The following VARS1 variants were observed in gnomAD, a reference collection of about 807,000 sequenced individuals.
The protein encoded by VARS1 is valyl-tRNA synthetase 1, also known as valine--tRNA ligase.
A neutral mutation model predicts 161.0 loss-of-function variants in VARS1; 92 were observed. The ratio of observed to expected loss-of-function variants is 0.57; its 90% CI spans 0.48 to 0.68. VARS1 has a LOEUF of 0.68. Among genes scored for constraint, VARS1 ranks in the 30% least tolerant of loss-of-function variants. VARS1 has a pLI of 0.00. For missense variants in VARS1, 1,338 were observed against 1,695.9 expected, an observed-to-expected ratio of 0.79 and a Z score of 3.71; for synonymous variants, 595 against 682.5, an observed-to-expected ratio of 0.87 and a Z score of 2.00.
At position 31,783,173 on chromosome 6, in the gene VARS1, T is replaced by C; in HGVS notation, c.1685A>G (p.Lys562Arg). The stretch of plus-strand genomic sequence containing the variant: ...AGACAGGAATGGGTGGATCACGTTC[T>C]TCCCCTTCAGGTGCTGGGGGCGGAA... Reference protein sequence around the residue: ...KDTRYQHLKGKNVIHPFLSRS... With the variant: ...KDTRYQHLKGRNVIHPFLSRS... The change falls in exon 14 of 30, where the codon AAG (lysine) becomes AGG (arginine). Residue 562 changes from lysine (K) to arginine (R), a missense_variant. By Grantham distance (26) the Lys-to-Arg change is conservative. This residue lies in a region of VARS1 where 902 missense variants were observed against 1,090.3 expected (regional missense o/e 0.83). Coordinates refer to ENST00000375663, the MANE Select transcript of VARS1 (RefSeq NM_006295.3). The C allele has an allele frequency of 6.2e-7, 1 of 1,612,632 alleles. No individual in the cohort carries two copies. The highest frequency in any genetic ancestry group is 1.7e-5 in the Admixed American group (1 of 59,962).
In VARS1 at chr6:31,791,830, C is replaced by G; in HGVS notation, c.972+41G>C. On this transcript the variant is annotated intron_variant, in intron 7 of 29. Transcript: ENST00000375663. The surrounding 1 kb of genome is among the most constrained non-coding windows in gnomAD (Gnocchi z 5.0). ...CACATCCTTCAGTCCTGCCCTTCCCCACCCCACCCACTCTGGGCCTGGGCA... is the reference window on the plus strand; with the variant it reads ...CACATCCTTCAGTCCTGCCCTTCCCGACCCCACCCACTCTGGGCCTGGGCA... The G allele has an allele frequency of 1.2e-6, 2 of 1,611,526 alleles. No individual in the cohort carries two copies. The highest frequency in any genetic ancestry group is 1.7e-6 in the Non-Finnish European group (2 of 1,178,830).
Position 31,794,818 on chromosome 6 carries a change from A to C in VARS1, c.387+13T>G. On this transcript the variant is annotated intron_variant, in intron 2 of 29. Coordinates refer to ENST00000375663, the MANE Select transcript of VARS1 (RefSeq NM_006295.3). Reference sequence around the variant, plus strand: ...AATTTCTCCCCTCCCCCTCTTCTGTACAACCCCCTCACCTGGGGGTCCTGG... The same window carrying C: ...AATTTCTCCCCTCCCCCTCTTCTGTCCAACCCCCTCACCTGGGGGTCCTGG... 6.4e-7 allele frequency: 1 copy of C among 1,571,744 alleles called. No homozygotes were observed. The highest frequency in any genetic ancestry group is 1.2e-5 in the South Asian group (1 of 86,840).
In VARS1 at chr6:31,779,278, C is replaced by T. The variant is rs1812964577; in HGVS notation, c.3415G>A (p.Ala1139Thr). ...GCCAGGGCGCCCGTGGCCTCATCCGCCACTTCCAGGAAACCTGCCAGGGAG... is the reference window on the plus strand; with the variant it reads ...GCCAGGGCGCCCGTGGCCTCATCCGTCACTTCCAGGAAACCTGCCAGGGAG... ...RIRPDCFLEV[A>T]DEATGALASA... The change falls in exon 29 of 30, where the codon GCG becomes ACG. Residue 1139 changes from alanine (A) to threonine (T), a missense_variant. Ala to Thr is a moderately conservative substitution (Grantham distance 58, BLOSUM62 0). This residue lies in a region of VARS1 where 433 missense variants were observed against 586.2 expected (regional missense o/e 0.74). Coordinates refer to ENST00000375663, the MANE Select transcript of VARS1 (RefSeq NM_006295.3). The surrounding 1 kb of genome is among the most constrained non-coding windows in gnomAD (Gnocchi z 9.1). The T allele has an allele frequency of 1.9e-6, 3 of 1,603,140 alleles. No homozygotes were observed. Among genetic ancestry groups the T allele is most frequent in the Non-Finnish European group, 2.5e-6 (3 of 1,179,616 alleles).
Position 31,785,549 on chromosome 6 carries a change from C to A in VARS1, c.1265+20G>T. ...CAGGGAGGCAGGGCTGCGATGCCCA[C>A]AGGGATGCTGCATACTCACTCCTCC... On this transcript the variant is annotated intron_variant, in intron 9 of 29. Transcript: ENST00000375663. The surrounding 1 kb of genome is among the most constrained non-coding windows in gnomAD (Gnocchi z 6.1). 6.3e-7 allele frequency: 1 copy of A among 1,588,300 alleles called. No individual in the cohort carries two copies. The highest frequency in any genetic ancestry group is 8.6e-7 in the Non-Finnish European group (1 of 1,167,634).
rs138415788 is a variant in VARS1 at position 31,780,901 on chromosome 6, G to C, written c.2687C>G (p.Pro896Arg). ...HNQLLNSNLD[P>R]SEVEKAKEGQ... Reference sequence around the variant, plus strand: ...TTCTTTGGCCTTCTCCACCTCGCTGGGATCCAGGTTGCTGTTCAGCAGCTG... The same window carrying C: ...TTCTTTGGCCTTCTCCACCTCGCTGCGATCCAGGTTGCTGTTCAGCAGCTG... The change falls in exon 23 of 30, where the codon CCC (proline) becomes CGC (arginine). Residue 896 changes from proline (P) to arginine (R), a missense_variant. This residue lies in a region of VARS1 where 433 missense variants were observed against 586.2 expected (regional missense o/e 0.74). Coordinates refer to ENST00000375663, the MANE Select transcript of VARS1 (RefSeq NM_006295.3). The surrounding 1 kb of genome is among the most constrained non-coding windows in gnomAD (Gnocchi z 5.1). 1.3e-4 allele frequency: 203 copies of C among 1,614,066 alleles called. 1 individual carries two copies. The highest frequency in any genetic ancestry group is 1.6e-4 in the Non-Finnish European group (187 of 1,180,024).
Position 31,795,046 on chromosome 6 carries a change from G to GC in VARS1, c.171dup (p.Pro58AlafsTer104), listed in dbSNP as rs1814174939. On this transcript the variant is annotated frameshift_variant, in exon 2 of 30. Coordinates refer to ENST00000375663, the MANE Select transcript of VARS1 (RefSeq NM_006295.3). LOFTEE classifies it high-confidence loss of function. This position sits in a 1 kb window ranked among gnomAD's most constrained non-coding sequence, Gnocchi z 6.9. ...CCACCGGGCCCCTGCTCCAGGGCCG[G>GC]CAGGCGGGGTGGGGGAAAGGGAGTC... The GC allele has an allele frequency of 9.0e-6, 14 of 1,550,804 alleles. No homozygotes were observed. The highest frequency in any genetic ancestry group is 1.2e-5 in the Non-Finnish European group (14 of 1,144,520).
At position 31,782,095 on chromosome 6, in the gene VARS1, G is replaced by A; in HGVS notation, c.2233C>T (p.Pro745Ser). 6.2e-7 allele frequency: 1 copy of A among 1,613,610 alleles called. No homozygotes were observed. The highest frequency in any genetic ancestry group is 8.5e-7 in the Non-Finnish European group (1 of 1,179,798). Residue 745 changes from proline to serine, a missense_variant, in exon 18 of 30, where the codon CCT becomes TCT. This residue lies in a region of VARS1 where 902 missense variants were observed against 1,090.3 expected (regional missense o/e 0.83). Transcript: ENST00000375663. This position sits in a 1 kb window ranked among gnomAD's most constrained non-coding sequence, Gnocchi z 8.3. ...TCTGGCCCTCTGCTCACCTCCCCAG[G>A]GGGCACCGCTGGGTCACTGACAGTG... is the stretch of plus-strand genomic sequence containing the variant. ...FVTVSDPAVP[P>S]GEDPDGRYWV...
In VARS1 at chr6:31,791,675, A is replaced by G. The variant is rs1290860672; in HGVS notation, c.1035T>C (p.Asn345=). The change falls in exon 8 of 30, where the codon AAT becomes AAC. Residue 345 remains asparagine, a synonymous_variant. Transcript: ENST00000375663. This position sits in a 1 kb window ranked among gnomAD's most constrained non-coding sequence, Gnocchi z 5.0. ...GGCCCAGGTGCAGGGAGCCTGTCAC[A>G]TTGGGGGGTGGGATGCACATCATGA... The part of the protein sequence containing the change: ...GVFMMCIPPP[N]VTGSLHLGHA... 6.2e-7 allele frequency: 1 copy of G among 1,612,920 alleles called. No individual in the cohort carries two copies. The highest frequency in any genetic ancestry group is 1.3e-5 in the African/African-American group (1 of 74,896).
In VARS1 at chr6:31,780,189, G is replaced by A. The variant is rs2151418674; in HGVS notation, c.2926-36C>T. On this transcript the variant is annotated intron_variant, in intron 25 of 29. Coordinates refer to ENST00000375663, the MANE Select transcript of VARS1 (RefSeq NM_006295.3). This position sits in a 1 kb window ranked among gnomAD's most constrained non-coding sequence, Gnocchi z 5.1. ...GAGGGTGTATCAGCCGGCGGGCCAG[G>A]GGAGGGTGCCAGAACCCCATGGGGG... 1.2e-6 allele frequency: 2 copies of A among 1,609,174 alleles called. No individual in the cohort carries two copies. The highest frequency in any genetic ancestry group is 1.7e-4 in the Middle Eastern group (1 of 5,812).
Position 31,794,960 on chromosome 6 carries a change from G to T in VARS1, c.258C>A (p.Gly86=). ...AQLLWPAGLG[G]PGGSRAAVLV... ...GGACAGCCGCCCGGCTGCCCCCTGGGCCCCCCAGGCCTGCTGGCCACAGCA... is the reference window on the plus strand; with the variant it reads ...GGACAGCCGCCCGGCTGCCCCCTGGTCCCCCCAGGCCTGCTGGCCACAGCA... Residue 86 remains glycine, a synonymous_variant, in exon 2 of 30, where the codon GGC becomes GGA. Transcript: ENST00000375663. The T allele has an allele frequency of 6.2e-7, 1 of 1,612,280 alleles. No individual in the cohort carries two copies. The highest frequency in any genetic ancestry group is 8.5e-7 in the Non-Finnish European group (1 of 1,179,752).
rs1813191148 is a variant in VARS1 at position 31,782,084 on chromosome 6, C to T, written c.2241+3G>A. 1.2e-6 allele frequency: 2 copies of T among 1,613,040 alleles called. No homozygotes were observed. The highest frequency in any genetic ancestry group is 1.3e-5 in the African/African-American group (1 of 74,930). On this transcript the variant is annotated splice_donor_region_variant and intron_variant, in intron 18 of 29. Coordinates refer to ENST00000375663, the MANE Select transcript of VARS1 (RefSeq NM_006295.3). This position sits in a 1 kb window ranked among gnomAD's most constrained non-coding sequence, Gnocchi z 8.3. ...CAGCAGCTAGCTCTGGCCCTCTGCT[C>T]ACCTCCCCAGGGGGCACCGCTGGGT...
Position 31,791,754 on chromosome 6 carries a change from A to T in VARS1, c.973-17T>A. Reference sequence around the variant, plus strand: ...ATTAGGACGCTGATGGTGGAGAAGGATGGCACATGTTTAAGGCCTCAGGTC... The same window carrying T: ...ATTAGGACGCTGATGGTGGAGAAGGTTGGCACATGTTTAAGGCCTCAGGTC... On this transcript the variant is annotated splice_polypyrimidine_tract_variant and intron_variant, in intron 7 of 29. Transcript: ENST00000375663. This position sits in a 1 kb window ranked among gnomAD's most constrained non-coding sequence, Gnocchi z 5.0. 1 of 1,613,030 alleles carries T rather than the reference A, an allele frequency of 6.2e-7. No homozygotes were observed. The highest frequency in any genetic ancestry group is 1.1e-5 in the South Asian group (1 of 91,082).
intron 13 of VARS1, among the ~76,000 whole-genome samples, chr6:31,783,747 C>T (rs924438959): frequency 5.3e-5 from 8 of 151,210 alleles, no homozygotes; most frequent in East Asian, 2.0e-4. Context: ...CTGCAACCTC[C>T]GCATCCCAGG....
intron 8 of VARS1, among the ~76,000 whole-genome samples, chr6:31,786,736 A>G (rs1452735347): frequency 1.3e-5 from 2 of 151,698 alleles, no homozygotes; most frequent in Admixed American, 6.6e-5. Context: ...CAAAAGTTCT[A>G]ATTGTTAAAA....
intron 2 of VARS1, among the ~76,000 whole-genome samples, chr6:31,794,347 G>A (rs1814110551): frequency 6.6e-6 from 1 of 152,138 alleles, no homozygotes; most frequent in Non-Finnish European, 1.5e-5. Context: ...AGTACACCAA[G>A]GCACAGGTCT....
intron 2 of VARS1, 142 bp from the exon 3 acceptor site, chr6:31,793,262 T>A: frequency 8.4e-7 from 1 of 1,194,358 alleles, no homozygotes; most frequent in Non-Finnish European, 1.1e-6. Context: ...ATAGTCACAA[T>A]AAAAATACTT....
chr6:31,785,589 T>C lies in VARS1; in HGVS notation c.1245A>G (p.Glu415=), dbSNP rs536761781. The change falls in exon 9 of 30, where the codon GAA becomes GAG. Residue 415 remains glutamate, a synonymous_variant. Coordinates refer to ENST00000375663, the MANE Select transcript of VARS1 (RefSeq NM_006295.3). The surrounding 1 kb of genome is among the most constrained non-coding windows in gnomAD (Gnocchi z 6.1). ...HQLGREAFLQ[E]VWKWKEEKGD... Reference sequence around the variant, plus strand: ...CTCACTCCTCCTTCCACTTCCAGACTTCCTGTAGAAAGGCCTCGCGGCCCA... The same window carrying C: ...CTCACTCCTCCTTCCACTTCCAGACCTCCTGTAGAAAGGCCTCGCGGCCCA... 48 of 1,611,530 alleles carry C rather than the reference T, an allele frequency of 3.0e-5. No individual in the cohort carries two copies. Among genetic ancestry groups the C allele is most frequent in the Non-Finnish European group, 4.0e-5 (47 of 1,179,358 alleles).
At position 31,784,707 on chromosome 6, in the gene VARS1, G is replaced by A; in HGVS notation, c.1355C>T (p.Ser452Leu). The A allele has an allele frequency of 6.2e-7, 1 of 1,613,034 alleles. No homozygotes were observed. The highest frequency in any genetic ancestry group is 8.5e-7 in the Non-Finnish European group (1 of 1,180,026). The change falls in exon 11 of 30, where the codon TCA becomes TTA. Residue 452 changes from serine to leucine, a missense_variant. Physicochemically the swap from Ser to Leu is moderately radical, Grantham distance 145 (BLOSUM62 -2). Coordinates refer to ENST00000375663, the MANE Select transcript of VARS1 (RefSeq NM_006295.3). The surrounding 1 kb of genome is among the most constrained non-coding windows in gnomAD (Gnocchi z 6.1). Reference protein sequence around the residue: ...RACFTMDPKLSAAVTEAFVRL... With the variant: ...RACFTMDPKLLAAVTEAFVRL... ...GACAAAGGCCTCTGTCACAGCTGCT[G>A]AGAGTTTCTGGGGTGGAGGAGGGAG...
In VARS1 at chr6:31,778,617, C is replaced by A. The variant is rs576425561; in HGVS notation, c.3726+350G>T. On this transcript the variant is annotated intron_variant, in intron 29 of 29. Coordinates refer to ENST00000375663, the MANE Select transcript of VARS1 (RefSeq NM_006295.3). This position sits in a 1 kb window ranked among gnomAD's most constrained non-coding sequence, Gnocchi z 5.1. ...CTTGACCTCCCAGGCTCAAGCAATC[C>A]GCCCACCTCAGCCCCCCGAGTAGCT... 6.6e-6 allele frequency among the ~76,000 whole-genome samples: 1 copy of A among 152,102 alleles called. No individual in the cohort carries two copies. Among genetic ancestry groups the A allele is most frequent in the Non-Finnish European group, 1.5e-5 (1 of 68,024 alleles).
Sources: allele counts gnomAD v4.1 joint callset (sites outside exome capture counted in the v4.1 genomes callset), GRCh38; gene constraint gnomAD v4.1.1; regional missense constraint gnomAD v4.1.1; non-coding constraint Gnocchi (gnomAD v3.1); transcripts MANE v1.5; gene names NCBI Gene and HGNC (gene_info 2026-07-23, HGNC 2026-07-21).